TMEM132C: variants seen among roughly 807,000 people sequenced by gnomAD.
TMEM132C encodes the protein protein phosphatase 1, regulatory subunit 152.
In TMEM132C, 29 loss-of-function variants were observed where a neutral mutation model predicts 61.4. The ratio of observed to expected loss-of-function variants is 0.47; its 90% CI spans 0.35 to 0.64. The LOEUF (loss-of-function observed/expected upper bound fraction) is 0.64. TMEM132C is among the 30% of genes least tolerant of loss of function. The pLI is 0.00. For synonymous variants in TMEM132C, 656 were observed against 633.1 expected, an observed-to-expected ratio of 1.04 and a Z score of -0.54; for missense variants, 1,408 against 1,476.9, an observed-to-expected ratio of 0.95 and a Z score of 0.76.
chr12:128,677,239 C>G (rs2135637338), intron 5 of TMEM132C, among the ~76,000 whole-genome samples: 1 of 152,202 alleles, frequency 6.6e-6, no homozygotes, highest in African/African-American at 2.4e-5. Flanking sequence ...TTAGCAATAT[C>G]CAGTCCGTGT....
At chr12:128,688,772 T>A (rs920122954) in intron 5 of TMEM132C, among the ~76,000 whole-genome samples, 6 of 152,186 alleles carry the variant, frequency 3.9e-5, no homozygotes, top group Non-Finnish European at 1.5e-5. Context: ...ATTGATTTTA[T>A]GGTAAAAAAT....
chr12:128,313,967 A>G (rs561700419), intron 1 of TMEM132C, among the ~76,000 whole-genome samples: 3 of 152,344 alleles, frequency 2.0e-5, no homozygotes, highest in East Asian at 1.9e-4. Context: ...GAGGCTAGAT[A>G]TTCCCTTCCT....
chr12:128,638,911 ATGATGGTGGTGATGG>A (rs1565999013), intron 4 of TMEM132C, among the ~76,000 whole-genome samples: 9 of 92,604 alleles, frequency 9.7e-5, no homozygotes, highest in Non-Finnish European at 2.0e-4. Flanking sequence ...GGTGATGGTG[ATGATGGTGGTGATGG>A]TGATGGTGGT....
At chr12:128,398,507 C>T (rs1024881490) in intron 1 of TMEM132C, among the ~76,000 whole-genome samples, 6 of 152,142 alleles carry the variant, frequency 3.9e-5, no homozygotes, top group East Asian at 3.9e-4. Flanking sequence ...GATGTTGGCA[C>T]GTTGCCCGTC....
chr12:128,524,994 C>A (rs565711882), intron 2 of TMEM132C, among the ~76,000 whole-genome samples: 2 of 152,198 alleles, frequency 1.3e-5, no homozygotes, highest in Non-Finnish European at 2.9e-5. Context: ...GAAGCTTGAT[C>A]TGGAAGGATC....
At chr12:128,584,694 AT>A (rs1875475004) in intron 3 of TMEM132C, among the ~76,000 whole-genome samples, 1 of 152,212 alleles carries the variant, frequency 6.6e-6, no homozygotes, top group Admixed American at 6.5e-5. Context: ...TGTGGCACCC[AT>A]TGAGGCCACC....
chr12:128,696,792 A>G (rs1954768786), intron 7 of TMEM132C, among the ~76,000 whole-genome samples: 1 of 152,202 alleles, frequency 6.6e-6, no homozygotes, highest in South Asian at 2.1e-4. Flanking sequence ...GCAGAAAGCA[A>G]TGTTTTGGCA....
chr12:128,681,817 A>ATTTTTTTTTTTTTTTT (rs35154554), intron 5 of TMEM132C, among the ~76,000 whole-genome samples: 7 of 86,446 alleles, frequency 8.1e-5, no homozygotes, highest in African/African-American at 1.4e-4. Context: ...CCACGCCTGG[A>ATTTTTTTTTTTTTTTT]TTTTTTTTTT....
chr12:128,703,302 C>T (rs1371416401), intron 8 of TMEM132C, among the ~76,000 whole-genome samples: 1 of 142,278 alleles, frequency 7.0e-6, no homozygotes, highest in South Asian at 2.3e-4. Flanking sequence ...TGGTCCCACC[C>T]TCCACCCTCC....
At position 128,385,403 on chromosome 12, in the gene TMEM132C, G is replaced by A. The variant is rs868533715; in HGVS notation, c.86-29329G>A. Among the ~76,000 whole-genome samples the A allele has an allele frequency of 5.2e-4, 59 of 112,642 alleles. 2 individuals are homozygous for A. The highest frequency in any genetic ancestry group is 8.1e-4 in the East Asian group (3 of 3,706). The allele number at this position is 112,642 out of a possible 152,430, so 73.9% of individuals were successfully genotyped here. On this transcript the variant is annotated intron_variant, in intron 1 of 8. Transcript: ENST00000435159. ...TGCAAAGATTCGAGACATAAACGCC[G>A]AGTCCTCGCACAGAGCCTGATAGGA...
chr12:128,562,967 C>T (rs1874575824), intron 3 of TMEM132C, among the ~76,000 whole-genome samples: 1 of 152,202 alleles, frequency 6.6e-6, no homozygotes, highest in Non-Finnish European at 1.5e-5. Flanking sequence ...TCATCACCAC[C>T]ATGAACTCCA....
chr12:128,640,934 G>A (rs571485180), intron 4 of TMEM132C, among the ~76,000 whole-genome samples: 19 of 152,236 alleles, frequency 1.2e-4, no homozygotes, highest in South Asian at 2.1e-4. Context: ...TAGTATGTGC[G>A]TTGTATCTCA....
intron 3 of TMEM132C, among the ~76,000 whole-genome samples, chr12:128,547,290 C>G (rs1873985631): frequency 1.3e-5 from 2 of 151,944 alleles, no homozygotes; most frequent in Admixed American, 1.3e-4. Context: ...CTGCAGGACT[C>G]TGAGAGCCTG....
intron 3 of TMEM132C, among the ~76,000 whole-genome samples, chr12:128,556,380 A>G (rs1291601082): frequency 6.6e-6 from 1 of 152,244 alleles, no homozygotes; most frequent in Non-Finnish European, 1.5e-5. Flanking sequence ...CATGGCGCCC[A>G]TGAGAACCTG....
intron 2 of TMEM132C, among the ~76,000 whole-genome samples, chr12:128,505,555 A>G (rs1052078138): frequency 7.2e-5 from 11 of 152,208 alleles, no homozygotes; most frequent in Non-Finnish European, 1.2e-4. Context: ...AAAATTGACA[A>G]GTGTTCCTCA....
At chr12:128,641,644 G>A (rs967238607) in intron 4 of TMEM132C, among the ~76,000 whole-genome samples, 1 of 152,164 alleles carries the variant, frequency 6.6e-6, no homozygotes, top group Non-Finnish European at 1.5e-5. Context: ...CAGAGTGAGC[G>A]TGACCCCACC....
At chr12:128,608,940 A>T (rs948617118) in intron 3 of TMEM132C, among the ~76,000 whole-genome samples, 1 of 152,136 alleles carries the variant, frequency 6.6e-6, no homozygotes, top group Non-Finnish European at 1.5e-5. Context: ...TTCATGCATT[A>T]TCTGCTTCTG....
chr12:128,481,621 G>A (rs1043813856), intron 2 of TMEM132C, among the ~76,000 whole-genome samples: 1 of 152,208 alleles, frequency 6.6e-6, no homozygotes, highest in Non-Finnish European at 1.5e-5. Flanking sequence ...GTGTCAAAGC[G>A]CAGGTCCCAC....
chr12:128,630,719 T>C lies in TMEM132C; in HGVS notation c.1305+14384T>C, dbSNP rs1328830253. ...ATATCTAGTCGATGGCCAAAACATA[T>C]CTACATTGAATAAGTGAGTTATAAT... On this transcript the variant is annotated intron_variant, in intron 4 of 8. Coordinates refer to ENST00000435159, the MANE Select transcript of TMEM132C (RefSeq NM_001136103.3). The surrounding 1 kb of genome is among the most constrained non-coding windows in gnomAD (Gnocchi z 4.3). 2.0e-5 allele frequency among the ~76,000 whole-genome samples: 3 copies of C among 152,076 alleles called. No individual in the cohort carries two copies. The highest frequency in any genetic ancestry group is 7.2e-5 in the African/African-American group (3 of 41,398).
Sources: gnomAD v4.1 joint callset for allele counts (sites outside exome capture counted in the v4.1 genomes callset) on GRCh38, gnomAD v4.1.1 for gene constraint, Gnocchi (gnomAD v3.1) non-coding constraint, MANE v1.5 for transcripts, NCBI Gene and HGNC (gene_info 2026-07-23, HGNC 2026-07-21) for gene names.